Variants in CATSPERB observed in about 807,000 individuals in gnomAD.
CATSPERB encodes catsper channel auxiliary subunit beta.
A neutral mutation model predicts 128.3 loss-of-function variants in CATSPERB; 93 were observed. The observed-to-expected ratio is 0.72, with a 90% CI of 0.61 to 0.86. The LOEUF is 0.86. Among genes scored for constraint, CATSPERB ranks in the 40% least tolerant of loss-of-function variants. The probability of loss-of-function intolerance (pLI) is 0.00; values close to 1 mark genes in which losing one functional copy is unlikely to be tolerated. For synonymous variants in CATSPERB, 381 were observed against 448.8 expected (o/e 0.85, Z 1.91); for missense variants, 1,153 against 1,329.5 (o/e 0.87, Z 2.06).
At chr14:91,724,469 A>G (rs1178605228) in intron 3 of CATSPERB, among the ~76,000 whole-genome samples, 1 of 152,260 alleles carries the variant, frequency 6.6e-6, no homozygotes, top group Non-Finnish European at 1.5e-5. Flanking sequence ...AAGCAGGCTT[A>G]GGAATACATG....
chr14:91,599,701 T>C (rs368374354), intron 22 of CATSPERB, among the ~76,000 whole-genome samples: 84 of 152,148 alleles, frequency 5.5e-4, no homozygotes, highest in African/African-American at 1.9e-3. Context: ...AATCAATATA[T>C]ATAAGAAGTA....
chr14:91,630,886 C>T (rs1175997357), intron 17 of CATSPERB, among the ~76,000 whole-genome samples: 1 of 152,202 alleles, frequency 6.6e-6, no homozygotes, highest in African/African-American at 2.4e-5. Flanking sequence ...TGATCTGGCA[C>T]TAGCTGACCT....
At chr14:91,594,438 TG>T (rs545441387) in intron 22 of CATSPERB, among the ~76,000 whole-genome samples, 129 of 151,386 alleles carry the variant, frequency 8.5e-4, no homozygotes, top group African/African-American at 3.0e-3. Context: ...GTGACAAACC[TG>T]CACGTTGTGC....
rs922301471 is a variant in CATSPERB, at chr14:91,589,531, T to C, written c.2956+3A>G. 6.8e-6 allele frequency: 11 copies of C among 1,611,020 alleles called. No homozygotes were observed. In the African/African-American group the frequency reaches 1.1e-4, roughly 16 times the overall value. Reference sequence around the variant, plus strand: ...AATAATTACAGATGAAAGCAAACCCTACTCAGTTTCCAGTTGTGCCTCATG... The same window carrying C: ...AATAATTACAGATGAAAGCAAACCCCACTCAGTTTCCAGTTGTGCCTCATG... On this transcript the variant is annotated splice_donor_region_variant and intron_variant, in intron 24 of 26. Coordinates refer to ENST00000256343, the MANE Select transcript of CATSPERB (RefSeq NM_024764.4).
chr14:91,727,343 G>A (rs1434480043), intron 2 of CATSPERB, among the ~76,000 whole-genome samples: 3 of 152,058 alleles, frequency 2.0e-5, no homozygotes, highest in Non-Finnish European at 4.4e-5. Context: ...TCTTGGTTCT[G>A]GCCCAAATAT....
chr14:91,713,225 G>C (rs1595189746), intron 5 of CATSPERB, among the ~76,000 whole-genome samples: 2 of 152,056 alleles, frequency 1.3e-5, no homozygotes, highest in African/African-American at 4.8e-5. Context: ...GCAGTAGGCA[G>C]GATCAGGGGT....
chr14:91,723,648 A>G (rs1053750507), intron 3 of CATSPERB, among the ~76,000 whole-genome samples: 13 of 152,182 alleles, frequency 8.5e-5, no homozygotes, highest in African/African-American at 3.1e-4. Flanking sequence ...CTTTATTTCA[A>G]TTAATTCTCC....
At chr14:91,709,817 C>T (rs1013807747) in intron 5 of CATSPERB, 1 of 151,884 alleles carries the variant, frequency 6.6e-6, no homozygotes, top group African/African-American at 2.4e-5. Flanking sequence ...AGTGATTGAA[C>T]ATAAGAAAAA....
rs1404839150 is a variant in CATSPERB, at chr14:91,604,870, A to C, written c.2709+3424T>G. 4 of 1,388,432 alleles carry C rather than the reference A, an allele frequency of 2.9e-6. No individual in the cohort carries two copies. The South Asian group carries it at 4.6e-5, about 16-fold the overall frequency. 86.0% of individuals were successfully genotyped at this position (1,388,432 alleles called of 1,614,324 possible). A position where few individuals can be genotyped will look rare whatever the true frequency, so the allele number is the denominator to read the frequency against. ...GCCAGTTGTTTTCCTGCCACCTCTT[A>C]GATTTCATTCTCTGGTTCTGGAACC... is the stretch of plus-strand genomic sequence containing the variant. On this transcript the variant is annotated intron_variant, in intron 22 of 26. Transcript: ENST00000256343.
intron 5 of CATSPERB, among the ~76,000 whole-genome samples, chr14:91,715,432 A>T (rs1368936267): frequency 2.0e-5 from 3 of 151,624 alleles, no homozygotes; most frequent in Admixed American, 6.6e-5. Context: ...GGCGCCTGTA[A>T]TCCCAGCTAC....
chr14:91,650,477 T>A (rs1894685184), intron 15 of CATSPERB, among the ~76,000 whole-genome samples: 1 of 152,172 alleles, frequency 6.6e-6, no homozygotes, highest in Non-Finnish European at 1.5e-5. Flanking sequence ...GTGAAACTAA[T>A]TTTTTTGGAG....
chr14:91,614,454 G>C (rs923146896), intron 20 of CATSPERB, among the ~76,000 whole-genome samples: 3 of 152,220 alleles, frequency 2.0e-5, no homozygotes, highest in African/African-American at 7.2e-5. Flanking sequence ...CTTGAGCCCA[G>C]GGCTTTGAGA....
intron 7 of CATSPERB, among the ~76,000 whole-genome samples, chr14:91,703,295 G>A (rs965096041): frequency 3.3e-5 from 5 of 152,060 alleles, no homozygotes; most frequent in South Asian, 2.1e-4. Flanking sequence ...TTTGGTTTTC[G>A]TCCCTGGCTC....
In CATSPERB at chr14:91,683,758, C is replaced by A. The variant is rs555005610; in HGVS notation, c.931+119G>T. On this transcript the variant is annotated intron_variant, in intron 11 of 26. Coordinates refer to ENST00000256343, the MANE Select transcript of CATSPERB (RefSeq NM_024764.4). Reference sequence around the variant, plus strand: ...CCCACCCCAAGTGCCCCTTTTTAAACCCTCCCCAGCCTAAAGTTTGGAATG... The same window carrying A: ...CCCACCCCAAGTGCCCCTTTTTAAAACCTCCCCAGCCTAAAGTTTGGAATG... 59 of 619,488 alleles carry A rather than the reference C, an allele frequency of 9.5e-5. No individual in the cohort carries two copies. In the East Asian group the frequency reaches 1.7e-3, roughly 18 times the overall value. The allele number at this position is 619,488 out of a possible 1,614,324, so 38.4% of individuals were successfully genotyped here.
intron 7 of CATSPERB, among the ~76,000 whole-genome samples, chr14:91,698,002 T>A (rs552067036): frequency 9.9e-5 from 15 of 152,182 alleles, no homozygotes; most frequent in Non-Finnish European, 2.2e-4. Context: ...ATTCTTCCAA[T>A]CCATGAGCAT....
intron 4 of CATSPERB, among the ~76,000 whole-genome samples, chr14:91,721,948 G>A (rs2139779470): frequency 1.3e-5 from 2 of 151,976 alleles, no homozygotes; most frequent in East Asian, 3.9e-4. Context: ...TTGTAGTCCT[G>A]GCTACTCAGG....
rs1421317817 is a variant in CATSPERB, at chr14:91,632,828, C to CAA, written c.1742+3596_1742+3597insTT. ...TAAAGTCACTTAAAACACACACACA[C>CAA]ACACACATACACACCAGCAAATGCA... On this transcript the variant is annotated intron_variant, in intron 17 of 26. Coordinates refer to ENST00000256343, the MANE Select transcript of CATSPERB (RefSeq NM_024764.4). Among the ~76,000 whole-genome samples, 3 of 151,680 alleles carry CAA rather than the reference C, an allele frequency of 2.0e-5. 1 individual carries two copies. Among genetic ancestry groups the CAA allele is most frequent in the Non-Finnish European group, 4.4e-5 (3 of 67,906 alleles).
At chr14:91,590,585 C>T (rs1012552904) in intron 23 of CATSPERB, among the ~76,000 whole-genome samples, 1 of 151,796 alleles carries the variant, frequency 6.6e-6, no homozygotes, top group African/African-American at 2.4e-5. Context: ...GCTGACTCTA[C>T]ACCAACATAT....
chr14:91,611,417 C>A (rs918310555), intron 20 of CATSPERB, among the ~76,000 whole-genome samples: 2 of 152,140 alleles, frequency 1.3e-5, no homozygotes, highest in African/African-American at 2.4e-5. Context: ...CAAGACCAGC[C>A]TGGCCAACAT....
Sources: allele counts gnomAD v4.1 joint callset (sites outside exome capture counted in the v4.1 genomes callset), GRCh38; gene constraint gnomAD v4.1.1; transcripts MANE v1.5; gene names NCBI Gene and HGNC (gene_info 2026-07-23, HGNC 2026-07-21).